COL5A1: variants seen among roughly 807,000 people sequenced by gnomAD.
The protein encoded by COL5A1 is collagen alpha-1(V) chain.
In COL5A1, 16 loss-of-function variants were observed where a neutral mutation model predicts 263.7. The ratio of observed to expected loss-of-function variants is 0.06; its 90% CI spans 0.04 to 0.09. The LOEUF is 0.09. Ranked by LOEUF, COL5A1 falls within the 10% of genes least tolerant of loss-of-function variation. The pLI is 1.00. For synonymous variants in COL5A1, 1,012 were observed against 1,004.5 expected, an observed-to-expected ratio of 1.01 and a Z score of -0.14; for missense variants, 2,036 against 2,540.5, an observed-to-expected ratio of 0.80 and a Z score of 4.27.
chr9:134,782,491 CTCATGGGAAAGCCAT>C (rs1837294785), intron 28 of COL5A1, 161 bp from the exon 29 acceptor site: 1 of 721,210 alleles, frequency 1.4e-6, no homozygotes, highest in Non-Finnish European at 2.5e-6. Flanking sequence ...GAACGCAGAG[CTCATGGGAAAGCCAT>C]TCTCGAGGGA....
At chr9:134,704,910 A>G (rs1344361814) in intron 4 of COL5A1, among the ~76,000 whole-genome samples, 1 of 152,064 alleles carries the variant, frequency 6.6e-6, no homozygotes, top group Non-Finnish European at 1.5e-5. Flanking sequence ...TTGAAGTAAA[A>G]GTGATTTATC....
intron 11 of COL5A1, among the ~76,000 whole-genome samples, chr9:134,744,719 T>C (rs564097025): frequency 2.6e-4 from 37 of 144,174 alleles, no homozygotes; most frequent in African/African-American, 9.2e-4. Flanking sequence ...TCTCACACAG[T>C]TACACACACA....
rs916708292 is a variant in COL5A1, at chr9:134,642,113, G to A, written c.-75G>A. The stretch of plus-strand genomic sequence containing the variant: ...GGTCCCTGCTGAGTGCGCTGCCCGG[G>A]CCGTGACCCGCGCCCCTGTGCGTCC... On this transcript the variant is annotated 5_prime_UTR_variant, in exon 1 of 66. Transcript: ENST00000371817. This position sits in a 1 kb window ranked among gnomAD's most constrained non-coding sequence, Gnocchi z 4.5. The A allele has an allele frequency of 5.6e-5, 68 of 1,204,282 alleles. No individual in the cohort carries two copies. Among genetic ancestry groups the A allele is most frequent in the Non-Finnish European group, 6.7e-5 (65 of 964,004 alleles). The allele number at this position is 1,204,282 out of a possible 1,614,324, so 74.6% of individuals were successfully genotyped here.
At chr9:134,732,152 C>T (rs752113348) in intron 9 of COL5A1, 25 bp downstream of exon 9, 1 of 1,613,722 alleles carries the variant, frequency 6.2e-7, no homozygotes, top group African/African-American at 1.3e-5. Context: ...TCATTCCCTC[C>T]CTGCGCCGGG....
chr9:134,759,764 C>CCT (rs1564438677), intron 18 of COL5A1, among the ~76,000 whole-genome samples: 21 of 98,128 alleles, frequency 2.1e-4, no homozygotes, highest in African/African-American at 1.1e-3. Flanking sequence ...CACACACCCA[C>CCT]GCACCCCCAC....
intron 4 of COL5A1, among the ~76,000 whole-genome samples, chr9:134,719,912 G>A (rs1834394212): frequency 6.6e-6 from 1 of 152,208 alleles, no homozygotes; most frequent in Non-Finnish European, 1.5e-5. Flanking sequence ...GGCCACTGCT[G>A]GGCAGGGCAT....
Position 134,730,132 on chromosome 9 carries a change from C to T in COL5A1, c.925-104C>T, listed in dbSNP as rs375410673. The T allele has an allele frequency of 4.7e-4, 711 of 1,526,742 alleles. 1 individual carries two copies. Among genetic ancestry groups the T allele is most frequent in the Non-Finnish European group, 5.6e-4 (629 of 1,115,804 alleles). The allele number at this position is 1,526,742 out of a possible 1,614,324, so 94.6% of individuals were successfully genotyped here. Reference sequence around the variant, plus strand: ...CCTCTTGACAGGCCTGGGCTCCAGGCGTTGCCACTGAGATGCCTGCACCCG... The same window carrying T: ...CCTCTTGACAGGCCTGGGCTCCAGGTGTTGCCACTGAGATGCCTGCACCCG... On this transcript the variant is annotated intron_variant, in intron 6 of 65. Coordinates refer to ENST00000371817, the MANE Select transcript of COL5A1 (RefSeq NM_000093.5).
intron 1 of COL5A1, among the ~76,000 whole-genome samples, chr9:134,673,807 AAC>A (rs933249392): frequency 2.6e-5 from 4 of 152,212 alleles, no homozygotes; most frequent in African/African-American, 9.6e-5. Flanking sequence ...ATGTTTATAA[AAC>A]ACATATCTGA....
At chr9:134,651,881 T>C (rs1831700313) in intron 1 of COL5A1, among the ~76,000 whole-genome samples, 1 of 152,240 alleles carries the variant, frequency 6.6e-6, no homozygotes, top group Non-Finnish European at 1.5e-5. Context: ...TTTTCTTTCT[T>C]TGGGGATGAT....
At chr9:134,693,471 C>T (rs1297810554) in intron 2 of COL5A1, among the ~76,000 whole-genome samples, 2 of 152,086 alleles carry the variant, frequency 1.3e-5, no homozygotes, top group African/African-American at 2.4e-5. Flanking sequence ...AATTAGCTTA[C>T]AGAGTAGAGT....
chr9:134,719,713 C>T (rs575902290), intron 4 of COL5A1, among the ~76,000 whole-genome samples: 1 of 152,272 alleles, frequency 6.6e-6, no homozygotes, highest in East Asian at 1.9e-4. Context: ...CTTTCCAGGG[C>T]AAGGGGGCGG....
At position 134,707,899 on chromosome 9, in the gene COL5A1, C is replaced by T. The variant is rs372417283; in HGVS notation, c.654+6566C>T. On this transcript the variant is annotated intron_variant, in intron 4 of 65. Coordinates refer to ENST00000371817, the MANE Select transcript of COL5A1 (RefSeq NM_000093.5). Reference sequence around the variant, plus strand: ...ATGAGCAGACTTCCCGGCACACAGGCGGGCGAGACTGGGTGCTGAGCTGTG... The same window carrying T: ...ATGAGCAGACTTCCCGGCACACAGGTGGGCGAGACTGGGTGCTGAGCTGTG... Among the ~76,000 whole-genome samples, 127 of 152,266 alleles carry T rather than the reference C, an allele frequency of 8.3e-4. No homozygotes were observed. The Middle Eastern group carries it at 0.024, about 29-fold the overall frequency.
chr9:134,695,092 G>T (rs1007509743), intron 2 of COL5A1, among the ~76,000 whole-genome samples: 1 of 152,166 alleles, frequency 6.6e-6, no homozygotes, highest in Admixed American at 6.5e-5. Flanking sequence ...GGATCAGCAC[G>T]CATCCTCCTC....
Position 134,738,501 on chromosome 9 carries a change from C to G in COL5A1, c.1417C>G (p.Pro473Ala). 1 of 1,614,044 alleles carries G rather than the reference C, an allele frequency of 6.2e-7. No individual in the cohort carries two copies. Among genetic ancestry groups the G allele is most frequent in the Admixed American group, 1.7e-5 (1 of 60,032 alleles). The stretch of plus-strand genomic sequence containing the variant: ...CATGCTCATCGAGGGCCCGCCTGGC[C>G]CAGAAGGCCCCGCGGTGAGTATCCG... ...PGMLIEGPPG[P>A]EGPAGLPGPP... Residue 473 changes from proline (P) to alanine (A), a missense_variant, in exon 10 of 66, where the codon CCA (proline) becomes GCA (alanine). By Grantham distance (27) the Pro-to-Ala change is conservative. Coordinates refer to ENST00000371817, the MANE Select transcript of COL5A1 (RefSeq NM_000093.5).
At chr9:134,673,519 C>T (rs1191113669) in intron 1 of COL5A1, among the ~76,000 whole-genome samples, 1 of 149,902 alleles carries the variant, frequency 6.7e-6, no homozygotes, top group Non-Finnish European at 1.5e-5. Context: ...TATCTATTTG[C>T]AATAGAATAA....
At chr9:134,760,253 C>A (rs1204002074) in intron 18 of COL5A1, among the ~76,000 whole-genome samples, 2 of 136,030 alleles carry the variant, frequency 1.5e-5, no homozygotes, top group Non-Finnish European at 3.2e-5. Context: ...CACACCCACA[C>A]ACCCCACACT....
chr9:134,797,521 C>T (rs937792834), intron 36 of COL5A1, among the ~76,000 whole-genome samples: 10 of 152,158 alleles, frequency 6.6e-5, no homozygotes, highest in Non-Finnish European at 1.0e-4. Flanking sequence ...CTCGCTCTGT[C>T]GCCCAGGCTG....
intron 4 of COL5A1, among the ~76,000 whole-genome samples, chr9:134,712,042 C>CCCATCTTCTTCCTGGT (rs1554784031): frequency 2.0e-4 from 17 of 86,400 alleles, no homozygotes; most frequent in African/African-American, 8.7e-4. Flanking sequence ...CTTCTTCCTG[C>CCCATCTTCTTCCTGGT]CCCCTTCTTC....
At chr9:134,733,687 C>T (rs1289808216) in intron 9 of COL5A1, among the ~76,000 whole-genome samples, 1 of 152,222 alleles carries the variant, frequency 6.6e-6, no homozygotes, top group Non-Finnish European at 1.5e-5. Context: ...TGACTGCCGT[C>T]CGCCTGGGCG....
Sources: allele counts gnomAD v4.1 joint callset (sites outside exome capture counted in the v4.1 genomes callset), GRCh38; gene constraint gnomAD v4.1.1; non-coding constraint Gnocchi (gnomAD v3.1); transcripts MANE v1.5; gene names NCBI Gene and HGNC (gene_info 2026-07-23, HGNC 2026-07-21).